Variants in SEC24A observed in about 807,000 individuals in gnomAD.
SEC24A encodes SEC24 homolog A, COPII component.
A neutral mutation model predicts 129.4 loss-of-function variants in SEC24A; 93 were observed. That is an observed-to-expected ratio of 0.72 (90% CI 0.61 to 0.85). The LOEUF (loss-of-function observed/expected upper bound fraction) is 0.85, where lower values mean the gene tolerates loss of function less well. Ranked by LOEUF, SEC24A falls within the 40% of genes least tolerant of loss-of-function variation. The pLI is 0.00. For missense variants in SEC24A, 1,264 were observed against 1,307.4 expected (o/e 0.97, Z 0.51); for synonymous variants, 460 against 467.3 (o/e 0.98, Z 0.20).
intron 1 of SEC24A, among the ~76,000 whole-genome samples, chr5:134,658,263 T>C (rs1159019872): frequency 6.6e-6 from 1 of 152,092 alleles, no homozygotes; most frequent in Non-Finnish European, 1.5e-5. Flanking sequence ...AGAGCGAGAC[T>C]CTGTCTCAAA....
chr5:134,719,599 G>GGAGA (rs1752575104), intron 20 of SEC24A, among the ~76,000 whole-genome samples: 1 of 148,250 alleles, frequency 6.7e-6, no homozygotes, highest in Non-Finnish European at 1.5e-5. Flanking sequence ...GATGTGGGAA[G>GGAGA]ATCACCTGAA....
intron 1 of SEC24A, among the ~76,000 whole-genome samples, chr5:134,652,970 ATT>A (rs776491776): frequency 1.3e-4 from 16 of 119,188 alleles, no homozygotes; most frequent in Non-Finnish European, 9.1e-5. Context: ...AATTTTTTGT[ATT>A]TTTTTTTTTT....
rs1752442513 is a variant in SEC24A at position 134,715,217 on chromosome 5, G to T, written c.2865+56G>T. 7 of 1,381,728 alleles carry T rather than the reference G, an allele frequency of 5.1e-6. No homozygotes were observed. In the South Asian group the frequency reaches 5.1e-5, roughly 10 times the overall value. 85.6% of individuals were successfully genotyped at this position (1,381,728 alleles called of 1,614,324 possible). On this transcript the variant is annotated intron_variant, in intron 19 of 22. Coordinates refer to ENST00000398844, the MANE Select transcript of SEC24A (RefSeq NM_021982.3). ...TTGAAGATTAGTAAGCCTAATCATA[G>T]TCCAGTACAGAAATGAGGAAGGGTT...
chr5:134,707,412 C>T (rs918544312), intron 17 of SEC24A, among the ~76,000 whole-genome samples: 10 of 152,022 alleles, frequency 6.6e-5, no homozygotes, highest in African/African-American at 2.2e-4. Flanking sequence ...TCACTGCAAC[C>T]TCCACCTCCA....
At chr5:134,685,134 C>G (rs1319979267) in intron 9 of SEC24A, among the ~76,000 whole-genome samples, 3 of 151,990 alleles carry the variant, frequency 2.0e-5, no homozygotes. Flanking sequence ...CTTTGGGAAG[C>G]CGATGCAGGA....
rs771146544 is a variant in SEC24A, at chr5:134,688,268, A to T, written c.1692A>T (p.Gln564His). The T allele has an allele frequency of 1.3e-6, 2 of 1,599,020 alleles. No individual in the cohort carries two copies. The highest frequency in any genetic ancestry group is 1.7e-6 in the Non-Finnish European group (2 of 1,166,482). The change falls in exon 11 of 23, where the codon CAA becomes CAT. Residue 564 changes from glutamine (Q) to histidine (H), a missense_variant. Physicochemically the swap from Gln to His is conservative, Grantham distance 24 (BLOSUM62 0). Transcript: ENST00000398844. ...HFYGLQESLSQPQMLIVSDIE... is the reference protein window; with the variant it reads ...HFYGLQESLSHPQMLIVSDIE... ...ACGGTCTTCAGGAAAGTCTCTCTCA[A>T]CCTCAGATGCTAATAGTTTCAGATA... is the stretch of plus-strand genomic sequence containing the variant.
In SEC24A at chr5:134,651,355, C is replaced by G. The variant is rs957335201; in HGVS notation, c.97+2182C>G. Among the ~76,000 whole-genome samples the G allele has an allele frequency of 5.3e-5, 8 of 150,104 alleles. No homozygotes were observed. In the South Asian group the frequency reaches 1.5e-3, roughly 27 times the overall value. Reference sequence around the variant, plus strand: ...TGTTGCCCAGGCTGGAGTACAATGGCTCGATCTCGGCTCACTGCAACCTCC... The same window carrying G: ...TGTTGCCCAGGCTGGAGTACAATGGGTCGATCTCGGCTCACTGCAACCTCC... On this transcript the variant is annotated intron_variant, in intron 1 of 22. Coordinates refer to ENST00000398844, the MANE Select transcript of SEC24A (RefSeq NM_021982.3).
chr5:134,686,257 T>C (rs1751447087), intron 9 of SEC24A, among the ~76,000 whole-genome samples: 1 of 151,364 alleles, frequency 6.6e-6, no homozygotes. Context: ...TTTTTTGAGA[T>C]GGAGTCTCAC....
At chr5:134,680,419 G>A (rs1207177093) in intron 8 of SEC24A, among the ~76,000 whole-genome samples, 3 of 152,002 alleles carry the variant, frequency 2.0e-5, no homozygotes, top group Non-Finnish European at 2.9e-5. Flanking sequence ...TGCAACCTCC[G>A]CCTCCCAGGT....
intron 2 of SEC24A, among the ~76,000 whole-genome samples, chr5:134,661,821 C>CTTT (rs70976551): frequency 1.3e-5 from 1 of 77,848 alleles, no homozygotes; most frequent in African/African-American, 4.7e-5. Flanking sequence ...TCTTTTTTCT[C>CTTT]TTTTTTTTTT....
In SEC24A at chr5:134,675,219, T is replaced by G; in HGVS notation, c.1151+2T>G. ...CCAGAAACTCAACTGTAACCCAGAGTAAGGCTTCAGATGTGACATTATGCA... is the reference window on the plus strand; with the variant it reads ...CCAGAAACTCAACTGTAACCCAGAGGAAGGCTTCAGATGTGACATTATGCA... On this transcript the variant is annotated splice_donor_variant, in intron 6 of 22. Coordinates refer to ENST00000398844, the MANE Select transcript of SEC24A (RefSeq NM_021982.3). LOFTEE classifies it high-confidence loss of function. 6.2e-7 allele frequency: 1 copy of G among 1,607,620 alleles called. No individual in the cohort carries two copies. The highest frequency in any genetic ancestry group is 8.5e-7 in the Non-Finnish European group (1 of 1,175,304).
intron 18 of SEC24A, among the ~76,000 whole-genome samples, chr5:134,711,787 G>T (rs7705629): frequency 9.3e-5 from 14 of 150,876 alleles, no homozygotes; most frequent in Non-Finnish European, 1.6e-4. Flanking sequence ...TCGCTGTGTC[G>T]CCCAGGCTGG....
At chr5:134,694,969 C>G (rs1751774783) in intron 13 of SEC24A, among the ~76,000 whole-genome samples, 1 of 152,056 alleles carries the variant, frequency 6.6e-6, no homozygotes, top group Non-Finnish European at 1.5e-5. Context: ...GTGTACTATA[C>G]TGGGTATGGT....
chr5:134,689,291 T>C (rs890573683), intron 11 of SEC24A, among the ~76,000 whole-genome samples: 5 of 152,144 alleles, frequency 3.3e-5, no homozygotes, highest in African/African-American at 1.2e-4. Flanking sequence ...AATGGTGAAT[T>C]ATCACATTAT....
intron 17 of SEC24A, among the ~76,000 whole-genome samples, chr5:134,707,679 T>C (rs1304120426): frequency 6.6e-6 from 1 of 152,164 alleles, no homozygotes; most frequent in East Asian, 1.9e-4. Context: ...ATTATTATTA[T>C]TGACAGCAGT....
rs1261921060 is a variant in SEC24A at position 134,703,910 on chromosome 5, A to G, written c.2418A>G (p.Ala806=). The G allele has an allele frequency of 1.3e-6, 2 of 1,582,128 alleles. No individual in the cohort carries two copies. Among genetic ancestry groups the G allele is most frequent in the Non-Finnish European group, 1.7e-6 (2 of 1,159,540 alleles). ...CTCAGTTGGTTTCTTTTCAGTCAGC[A>G]CTCTTGTATACATCCAGCAAAGGTA... ...TDTQLVSFQS[A]LLYTSSKGER... The change falls in exon 16 of 23, where the codon GCA becomes GCG. Residue 806 remains alanine (A), a synonymous_variant. Coordinates refer to ENST00000398844, the MANE Select transcript of SEC24A (RefSeq NM_021982.3).
rs901386536 is a variant in SEC24A, at chr5:134,718,075, C to G, written c.2872C>G (p.Leu958Val). 4.3e-6 allele frequency: 7 copies of G among 1,613,410 alleles called. No homozygotes were observed. The highest frequency in any genetic ancestry group is 5.1e-6 in the Non-Finnish European group (6 of 1,179,366). Residue 958 changes from leucine to valine, a missense_variant, in exon 20 of 23, where the codon CTC becomes GTC. By Grantham distance (32) the Leu-to-Val change is conservative (BLOSUM62 1). Coordinates refer to ENST00000398844, the MANE Select transcript of SEC24A (RefSeq NM_021982.3). Reference sequence around the variant, plus strand: ...CTTTTACTTAATTCCTCAGGGAGCACTCAACATCAGTGATAGAACCATACC... The same window carrying G: ...CTTTTACTTAATTCCTCAGGGAGCAGTCAACATCAGTGATAGAACCATACC... The part of the protein sequence containing the change: ...RVDNLSDEGA[L>V]NISDRTIPQP...
intron 4 of SEC24A, among the ~76,000 whole-genome samples, chr5:134,673,923 C>T (rs1750963224): frequency 6.6e-6 from 1 of 152,066 alleles, no homozygotes. Flanking sequence ...CACCTGAGGT[C>T]AGGAGTTTGA....
At chr5:134,720,941 C>T in intron 20 of SEC24A, 57 bp from the exon 21 acceptor site, 1 of 923,784 alleles carries the variant, frequency 1.1e-6, no homozygotes, top group South Asian at 1.4e-5. Context: ...TGTACTCACT[C>T]AACAGACTCA....
Sources: allele counts gnomAD v4.1 joint callset (sites outside exome capture counted in the v4.1 genomes callset), GRCh38; gene constraint gnomAD v4.1.1; transcripts MANE v1.5; gene names NCBI Gene and HGNC (gene_info 2026-07-23, HGNC 2026-07-21).